Variants in PDCD2L observed in about 807,000 individuals in gnomAD.
PDCD2L encodes uS5 assembly chaperone PDCD2L.
PDCD2L carries 44 observed loss-of-function variants against 40.4 expected under a neutral mutation model. That is an observed-to-expected ratio of 1.09 (90% confidence interval 0.86 to 1.40). The LOEUF (loss-of-function observed/expected upper bound fraction) is 1.40. PDCD2L is among the 40% of genes most tolerant of loss of function. PDCD2L has a pLI of 0.00. For missense variants in PDCD2L, 470 were observed against 453.7 expected, an observed-to-expected ratio of 1.04 and a Z score of -0.33; for synonymous variants, 194 against 174.6, an observed-to-expected ratio of 1.11 and a Z score of -0.88.
At chr19:34,414,588 A>G (rs1436804378) in intron 5 of PDCD2L, among the ~76,000 whole-genome samples, 1 of 145,882 alleles carries the variant, frequency 6.9e-6, no homozygotes, top group Non-Finnish European at 1.5e-5. Context: ...TCCTGGGCTC[A>G]AGTGATCCTC....
At position 34,409,241 on chromosome 19, in the gene PDCD2L, A is replaced by C. The variant is rs1471737107; in HGVS notation, c.417A>C (p.Ser139=). 1 of 1,614,150 alleles carries C rather than the reference A, an allele frequency of 6.2e-7. No individual in the cohort carries two copies. Among genetic ancestry groups the C allele is most frequent in the Admixed American group, 1.7e-5 (1 of 60,008 alleles). ...GAAGTGATACTGAGGAGGGGCCTTC[A>C]CCACAGTTTACCTTGGATTTTGGGA... ...DWGSDTEEGP[S]PQFTLDFGND... The change falls in exon 4 of 7, where the codon TCA becomes TCC. Residue 139 remains serine (S), a synonymous_variant. Coordinates refer to ENST00000246535, the MANE Select transcript of PDCD2L (RefSeq NM_032346.2).
At chr19:34,405,155 T>TTG (rs1262221627) in intron 3 of PDCD2L, among the ~76,000 whole-genome samples, 165 bp downstream of exon 3, 2 of 148,796 alleles carry the variant, frequency 1.3e-5, no homozygotes, top group Non-Finnish European at 3.0e-5. Flanking sequence ...TTTTTTTTTT[T>TTG]TTTTTTTTTG....
intron 3 of PDCD2L, among the ~76,000 whole-genome samples, chr19:34,406,388 A>AT (rs1163012080): frequency 0.023 from 3,263 of 141,396 alleles, 58 homozygotes; most frequent in African/African-American, 0.052. Context: ...CAATACTCTT[A>AT]TTTTTTTTTT....
At position 34,405,837 on chromosome 19, in the gene PDCD2L, C is replaced by G. The variant is rs140348076; in HGVS notation, c.336+847C>G. ...AGGAGAATCGCTTGAACCCGGGAGA[C>G]AGAGATTGCAGTGAGCTGAGATCAT... On this transcript the variant is annotated intron_variant, in intron 3 of 6. Coordinates refer to ENST00000246535, the MANE Select transcript of PDCD2L (RefSeq NM_032346.2). Among the ~76,000 whole-genome samples the G allele has an allele frequency of 1.2e-3, 181 of 151,818 alleles. 2 individuals carry two copies. In the East Asian group the frequency reaches 0.03, roughly 25 times the overall value.
intron 6 of PDCD2L, among the ~76,000 whole-genome samples, chr19:34,423,877 T>G (rs2075164350): frequency 6.6e-6 from 1 of 152,186 alleles, no homozygotes; most frequent in Admixed American, 6.6e-5. Flanking sequence ...GAGTGAGCTT[T>G]TTTATTCCTG....
intron 3 of PDCD2L, among the ~76,000 whole-genome samples, chr19:34,405,879 G>A (rs933550788): frequency 6.6e-6 from 1 of 151,870 alleles, no homozygotes; most frequent in African/African-American, 2.4e-5. Flanking sequence ...GCACTCCAGC[G>A]TGGGTGACAG....
At chr19:34,416,475 A>G (rs1207845110) in intron 5 of PDCD2L, among the ~76,000 whole-genome samples, 1 of 152,184 alleles carries the variant, frequency 6.6e-6, no homozygotes, top group African/African-American at 2.4e-5. Context: ...ACAGCATTTT[A>G]CACTGTCTCA....
At chr19:34,419,499 CTTTTTT>C (rs10706238) in intron 5 of PDCD2L, among the ~76,000 whole-genome samples, 1 of 143,342 alleles carries the variant, frequency 7.0e-6, no homozygotes, top group Non-Finnish European at 1.5e-5. Flanking sequence ...CCTCCATTTC[CTTTTTT>C]TTTTTTTTAA....
chr19:34,412,717 CAA>C (rs35174221), intron 4 of PDCD2L, among the ~76,000 whole-genome samples: 6 of 106,358 alleles, frequency 5.6e-5, no homozygotes, highest in Non-Finnish European at 2.0e-5. Context: ...GACTCCCTCT[CAA>C]AAAAAAAAAA....
chr19:34,425,225 GTTTA>G (rs2075171573), intron 6 of PDCD2L, among the ~76,000 whole-genome samples: 1 of 146,372 alleles, frequency 6.8e-6, no homozygotes, highest in South Asian at 2.2e-4. Flanking sequence ...AACTCTTAGG[GTTTA>G]TTTTATATTT....
In PDCD2L at chr19:34,421,187, T is replaced by C. The variant is rs551948648; in HGVS notation, c.798-332T>C. Among the ~76,000 whole-genome samples the C allele has an allele frequency of 7.9e-5, 12 of 151,944 alleles. No individual in the cohort carries two copies. The South Asian group carries it at 1.9e-3, about 24-fold the overall frequency. ...GGCCTGGGGGTCCATGGCCTGGGGGTTGGGGACTTCTTCTCTAAGGCATGC... is the reference window on the plus strand; with the variant it reads ...GGCCTGGGGGTCCATGGCCTGGGGGCTGGGGACTTCTTCTCTAAGGCATGC... On this transcript the variant is annotated intron_variant, in intron 5 of 6. Transcript: ENST00000246535.
chr19:34,424,033 T>A (rs1236057184), intron 6 of PDCD2L, among the ~76,000 whole-genome samples: 1 of 152,038 alleles, frequency 6.6e-6, no homozygotes, highest in East Asian at 1.9e-4. Flanking sequence ...TAAATCCCAC[T>A]TTCTCTTTTC....
chr19:34,411,343 A>G (rs540036767), intron 4 of PDCD2L, among the ~76,000 whole-genome samples: 32 of 149,026 alleles, frequency 2.1e-4, no homozygotes, highest in Non-Finnish European at 3.8e-4. Flanking sequence ...CGGCTTAAGC[A>G]GCTCTCATGT....
chr19:34,426,141 T>A lies in PDCD2L; in HGVS notation c.*21T>A. ...AGTAGAGCATTTCCTTTTATTAATA[T>A]AAATTAAAACAAATGTTTACATCCA... On this transcript the variant is annotated 3_prime_UTR_variant, in exon 7 of 7. Transcript: ENST00000246535. The A allele has an allele frequency of 6.7e-7, 1 of 1,488,716 alleles. No homozygotes were observed. Among genetic ancestry groups the A allele is most frequent in the Non-Finnish European group, 9.3e-7 (1 of 1,076,614 alleles). 92.2% of individuals were successfully genotyped at this position (1,488,716 alleles called of 1,614,324 possible).
intron 5 of PDCD2L, 27 bp downstream of exon 5, chr19:34,413,874 T>G: frequency 3.0e-6 from 4 of 1,351,166 alleles, no homozygotes; most frequent in Non-Finnish European, 4.2e-6. Flanking sequence ...TTCCTTTTAT[T>G]GTTTTCCTTG....
At position 34,425,113 on chromosome 19, in the gene PDCD2L, C is replaced by G. The variant is rs533298954; in HGVS notation, c.947-877C>G. ...TGCTGCAAATCATTGCCTACGTCAT[C>G]CTCTTGACTCCTGCTTTTCTGTTCT... On this transcript the variant is annotated intron_variant, in intron 6 of 6. Coordinates refer to ENST00000246535, the MANE Select transcript of PDCD2L (RefSeq NM_032346.2). Among the ~76,000 whole-genome samples, 3 of 152,078 alleles carry G rather than the reference C, an allele frequency of 2.0e-5. No homozygotes were observed. In the East Asian group the frequency reaches 5.8e-4, roughly 29 times the overall value.
chr19:34,421,143 C>T (rs1183814628), intron 5 of PDCD2L, among the ~76,000 whole-genome samples: 1 of 152,168 alleles, frequency 6.6e-6, no homozygotes, highest in Admixed American at 6.6e-5. Context: ...TAATAGGCTA[C>T]CAACCAGTAC....
At chr19:34,410,762 T>TTTTTTTTATTTATTTATTTATTTA (rs1555724391) in intron 4 of PDCD2L, among the ~76,000 whole-genome samples, 1 of 146,248 alleles carries the variant, frequency 6.8e-6, no homozygotes, top group African/African-American at 2.5e-5. Flanking sequence ...ACTTTTTATT[T>TTTTTTTTATTTATTTATTTATTTA]TTTATTTATT....
intron 4 of PDCD2L, among the ~76,000 whole-genome samples, chr19:34,412,674 C>T (rs996607170): frequency 6.7e-6 from 1 of 149,320 alleles, no homozygotes; most frequent in Non-Finnish European, 1.5e-5. Context: ...GCCAAGATTG[C>T]ACCATTGCAC....
Sources: gnomAD v4.1 joint callset for allele counts (sites outside exome capture counted in the v4.1 genomes callset) on GRCh38, gnomAD v4.1.1 for gene constraint, MANE v1.5 for transcripts, NCBI Gene and HGNC (gene_info 2026-07-23, HGNC 2026-07-21) for gene names.